The following MAML3 variants were observed in gnomAD, a reference collection of about 807,000 sequenced individuals.
MAML3 encodes mastermind-like protein 3.
Under a neutral mutation model 101.9 loss-of-function variants are expected in MAML3, and 27 were observed. The ratio of observed to expected loss-of-function variants is 0.27; its 90% CI spans 0.20 to 0.37. The LOEUF is 0.37. Among genes scored for constraint, MAML3 ranks in the 10% least tolerant of loss-of-function variants. The pLI, the probability that MAML3 is intolerant of heterozygous loss-of-function variation, is 1.00. For synonymous variants in MAML3, 501 were observed against 555.9 expected, an observed-to-expected ratio of 0.90 and a Z score of 1.39; for missense variants, 1,316 against 1,444.9, an observed-to-expected ratio of 0.91 and a Z score of 1.45.
At chr4:140,020,103 T>C (rs531837913) in intron 1 of MAML3, among the ~76,000 whole-genome samples, 58 of 152,312 alleles carry the variant, frequency 3.8e-4, no homozygotes, top group Non-Finnish European at 6.8e-4. Context: ...CTATTTTTTT[T>C]CCCTCCTGAC....
At chr4:139,841,682 G>A (rs1731364040) in intron 2 of MAML3, among the ~76,000 whole-genome samples, 1 of 152,206 alleles carries the variant, frequency 6.6e-6, no homozygotes, top group African/African-American at 2.4e-5. Context: ...AGATAAAAAT[G>A]AGCATCCTAT....
At chr4:139,851,575 A>G (rs1294480425) in intron 2 of MAML3, among the ~76,000 whole-genome samples, 1 of 152,278 alleles carries the variant, frequency 6.6e-6, no homozygotes, top group African/African-American at 2.4e-5. Context: ...TTTTCTAAAC[A>G]GAGGACCATG....
At chr4:139,727,858 A>T (rs1194589867) in intron 3 of MAML3, among the ~76,000 whole-genome samples, 1 of 152,176 alleles carries the variant, frequency 6.6e-6, no homozygotes, top group Non-Finnish European at 1.5e-5. Flanking sequence ...AAGTGTGAGG[A>T]CACTTTCAAT....
chr4:139,946,889 C>CCCCACA (rs1553965512), intron 1 of MAML3, among the ~76,000 whole-genome samples: 2 of 126,842 alleles, frequency 1.6e-5, no homozygotes, highest in Admixed American at 8.9e-5. Context: ...GCAGAGTAAG[C>CCCCACA]CACACACACA....
At chr4:139,774,064 C>A (rs1730046769) in intron 2 of MAML3, among the ~76,000 whole-genome samples, 1 of 152,184 alleles carries the variant, frequency 6.6e-6, no homozygotes, top group South Asian at 2.1e-4. Flanking sequence ...TTCATCTTTA[C>A]AAACAAGGAC....
rs570571296 is a variant in MAML3, at chr4:140,049,303, C to T, written c.468+103557G>A. ...AGGTGGGAGGGAGAGGAGGACCCAC[C>T]GGTCACAGACAACGCTGTGGGATTC... On this transcript the variant is annotated intron_variant, in intron 1 of 4. Transcript: ENST00000509479. Among the ~76,000 whole-genome samples the T allele has an allele frequency of 1.8e-4, 28 of 152,304 alleles. No individual in the cohort carries two copies. The South Asian group carries it at 3.7e-3, about 20-fold the overall frequency.
chr4:140,030,087 C>A (rs912600703), intron 1 of MAML3, among the ~76,000 whole-genome samples: 2 of 152,092 alleles, frequency 1.3e-5, no homozygotes, highest in Non-Finnish European at 2.9e-5. Flanking sequence ...TTTCTCTTTG[C>A]CCATCCTGGT....
Position 140,129,331 on chromosome 4 carries a change from G to T in MAML3, c.468+23529C>A, listed in dbSNP as rs575330630. ...GCAGGAATAACTTAGAACACAAGTT[G>T]TCCCGTTTGAAGGTCAAACCAAAAT... On this transcript the variant is annotated intron_variant, in intron 1 of 4. Transcript: ENST00000509479. Among the ~76,000 whole-genome samples the T allele has an allele frequency of 3.8e-3, 574 of 152,236 alleles. 3 individuals are homozygous for T. Among genetic ancestry groups the T allele is most frequent in the Non-Finnish European group, 6.3e-3 (426 of 68,016 alleles).
intron 2 of MAML3, among the ~76,000 whole-genome samples, chr4:139,808,737 C>T (rs764819696): frequency 1.3e-4 from 20 of 152,312 alleles, no homozygotes; most frequent in South Asian, 4.1e-4. Flanking sequence ...ATAATTTACA[C>T]GGCCTCAATC....
At chr4:140,147,621 T>C (rs1729087521) in intron 1 of MAML3, among the ~76,000 whole-genome samples, 1 of 152,214 alleles carries the variant, frequency 6.6e-6, no homozygotes, top group African/African-American at 2.4e-5. Flanking sequence ...ACTTAAAAGG[T>C]AGACACTATG....
chr4:140,103,608 T>TA (rs1484068294), intron 1 of MAML3, among the ~76,000 whole-genome samples: 2 of 152,218 alleles, frequency 1.3e-5, no homozygotes, highest in Admixed American at 6.5e-5. Flanking sequence ...ATATTGGAGA[T>TA]ACAACTTTAC....
At chr4:139,763,112 G>T (rs1466378336) in intron 2 of MAML3, among the ~76,000 whole-genome samples, 1 of 152,184 alleles carries the variant, frequency 6.6e-6, no homozygotes. Context: ...GGAACCCAGG[G>T]ACTTATCCAG....
chr4:140,035,449 A>T (rs1031309467), intron 1 of MAML3, among the ~76,000 whole-genome samples: 2 of 152,202 alleles, frequency 1.3e-5, no homozygotes, highest in African/African-American at 4.8e-5. Context: ...TATAGCTTTT[A>T]AATTACAAAC....
intron 1 of MAML3, among the ~76,000 whole-genome samples, chr4:140,055,688 C>G (rs1727338826): frequency 6.6e-6 from 1 of 151,906 alleles, no homozygotes; most frequent in Non-Finnish European, 1.5e-5. Context: ...CTACAAAAAG[C>G]CAAAGGTACA....
intron 1 of MAML3, among the ~76,000 whole-genome samples, chr4:140,025,326 T>C (rs1726804595): frequency 6.6e-6 from 1 of 152,224 alleles, no homozygotes. Context: ...GATTTTTACT[T>C]TGACAAAAAA....
At chr4:139,965,424 G>C (rs1734111433) in intron 1 of MAML3, among the ~76,000 whole-genome samples, 1 of 152,124 alleles carries the variant, frequency 6.6e-6, no homozygotes, top group Non-Finnish European at 1.5e-5. Context: ...ACAATCTGCA[G>C]AAAATACTAA....
chr4:140,055,859 T>A (rs775008060), intron 1 of MAML3, among the ~76,000 whole-genome samples: 15 of 143,080 alleles, frequency 1.0e-4, no homozygotes, highest in African/African-American at 3.3e-4. Context: ...GTTAGTAGTT[T>A]AAAAAAAAAA....
intron 1 of MAML3, among the ~76,000 whole-genome samples, chr4:139,984,009 G>A (rs989913509): frequency 6.6e-6 from 1 of 152,186 alleles, no homozygotes; most frequent in African/African-American, 2.4e-5. Flanking sequence ...TAGACATACA[G>A]ATGCAATTAT....
intron 1 of MAML3, among the ~76,000 whole-genome samples, chr4:140,122,681 A>G (rs1400798766): frequency 6.7e-6 from 1 of 150,334 alleles, no homozygotes. Flanking sequence ...AGTCCCAGCT[A>G]CTTGGGAGGC....
Sources: allele counts gnomAD v4.1 joint callset (sites outside exome capture counted in the v4.1 genomes callset), GRCh38; gene constraint gnomAD v4.1.1; transcripts MANE v1.5; gene names NCBI Gene and HGNC (gene_info 2026-07-23, HGNC 2026-07-21).